The following SHISA6 variants were observed in gnomAD, a reference collection of about 807,000 sequenced individuals.
The protein encoded by SHISA6 is shisa family member 6.
A neutral mutation model predicts 47.9 loss-of-function variants in SHISA6; 22 were observed. The observed-to-expected ratio is 0.46, with a 90% CI of 0.33 to 0.66. The LOEUF is 0.66. Ranked by LOEUF, SHISA6 falls within the 30% of genes least tolerant of loss-of-function variation. SHISA6 has a pLI of 0.02. For missense variants in SHISA6, 680 were observed against 764.6 expected (o/e 0.89, Z 1.30); for synonymous variants, 388 against 337.8 (o/e 1.15, Z -1.63).
chr17:11,333,677 G>A (rs1911215193), intron 2 of SHISA6, among the ~76,000 whole-genome samples: 1 of 151,984 alleles, frequency 6.6e-6, no homozygotes, highest in Non-Finnish European at 1.5e-5. Flanking sequence ...ACCATTCCCG[G>A]CTAATTTTTG....
At chr17:11,292,950 G>A (rs532194131) in intron 2 of SHISA6, among the ~76,000 whole-genome samples, 114 of 151,406 alleles carry the variant, frequency 7.5e-4, no homozygotes, top group African/African-American at 2.5e-3. Flanking sequence ...TCAGCCTCCG[G>A]AGTAGCGGGG....
intron 3 of SHISA6, among the ~76,000 whole-genome samples, chr17:11,390,548 G>A (rs117220392): frequency 0.037 from 5,570 of 152,178 alleles, 187 homozygotes; most frequent in Admixed American, 0.088. Context: ...TTATTATAAC[G>A]AAAACTCCAG....
chr17:11,416,498 C>G (rs1201793098), intron 3 of SHISA6, among the ~76,000 whole-genome samples: 2 of 152,114 alleles, frequency 1.3e-5, no homozygotes, highest in Admixed American at 6.5e-5. Flanking sequence ...GTATGGATCT[C>G]AAAATCCACT....
At chr17:11,551,233 G>A (rs570835632) in intron 3 of SHISA6, among the ~76,000 whole-genome samples, 14 of 152,312 alleles carry the variant, frequency 9.2e-5, no homozygotes, top group Non-Finnish European at 1.8e-4. Flanking sequence ...TTCAGGGTTT[G>A]GCAACTGTAA....
chr17:11,271,901 C>T (rs896862842), intron 2 of SHISA6, among the ~76,000 whole-genome samples: 2 of 152,264 alleles, frequency 1.3e-5, no homozygotes, highest in Non-Finnish European at 2.9e-5. Context: ...TCTAGCAGCT[C>T]TGCTCCTCCA....
chr17:11,397,593 T>A (rs1913617635), intron 3 of SHISA6, among the ~76,000 whole-genome samples: 1 of 152,200 alleles, frequency 6.6e-6, no homozygotes, highest in Non-Finnish European at 1.5e-5. Context: ...CTGAAGGCAA[T>A]CTGCCTGGTT....
chr17:11,350,211 G>A (rs963337916), intron 2 of SHISA6, among the ~76,000 whole-genome samples: 4 of 105,656 alleles, frequency 3.8e-5, no homozygotes, highest in African/African-American at 1.2e-4. Context: ...ACGGAGTCTC[G>A]CTCTGTCGCC....
chr17:11,494,033 T>G (rs2071388224), intron 3 of SHISA6, among the ~76,000 whole-genome samples: 1 of 152,168 alleles, frequency 6.6e-6, no homozygotes, highest in Non-Finnish European at 1.5e-5. Context: ...AGTCAGGCTC[T>G]GCAAGCATAA....
At chr17:11,550,834 A>G (rs61459636) in intron 3 of SHISA6, among the ~76,000 whole-genome samples, 9,297 of 152,286 alleles carry the variant, frequency 0.061, 372 homozygotes, top group Middle Eastern at 0.092. Flanking sequence ...AGTAGAGCTG[A>G]AGTCTTCACA....
chr17:11,524,795 G>A (rs1232475978), intron 3 of SHISA6, among the ~76,000 whole-genome samples: 1 of 151,960 alleles, frequency 6.6e-6, no homozygotes, highest in Non-Finnish European at 1.5e-5. Flanking sequence ...CACTGCGCCC[G>A]GTCTATTTCT....
intron 3 of SHISA6, among the ~76,000 whole-genome samples, chr17:11,489,378 A>G (rs1916422788): frequency 6.6e-6 from 1 of 152,118 alleles, no homozygotes. Flanking sequence ...GACCTTTTCC[A>G]TCAACACTTA....
intron 1 of SHISA6, among the ~76,000 whole-genome samples, chr17:11,258,351 A>G (rs942623700): frequency 6.6e-6 from 1 of 152,182 alleles, no homozygotes; most frequent in African/African-American, 2.4e-5. Flanking sequence ...GTTTGTTTCC[A>G]TTGCACCACT....
At chr17:11,256,366 G>A (rs555389669) in intron 1 of SHISA6, among the ~76,000 whole-genome samples, 1 of 152,238 alleles carries the variant, frequency 6.6e-6, no homozygotes, top group Admixed American at 6.5e-5. Flanking sequence ...CGTGGTGACA[G>A]GGGCCTTTAA....
At chr17:11,377,158 A>G (rs1912830601) in intron 2 of SHISA6, among the ~76,000 whole-genome samples, 1 of 152,188 alleles carries the variant, frequency 6.6e-6, no homozygotes, top group South Asian at 2.1e-4. Flanking sequence ...ATTTGACTAA[A>G]GAATTCTTTA....
intron 3 of SHISA6, among the ~76,000 whole-genome samples, chr17:11,383,361 T>C (rs1913088346): frequency 6.6e-6 from 1 of 152,160 alleles, no homozygotes; most frequent in South Asian, 2.1e-4. Context: ...GTCTGCTTTG[T>C]AACAAGATCC....
At chr17:11,356,711 C>T (rs1471047128) in intron 2 of SHISA6, among the ~76,000 whole-genome samples, 2 of 152,152 alleles carry the variant, frequency 1.3e-5, no homozygotes, top group Non-Finnish European at 2.9e-5. Context: ...GCCCTCCCCT[C>T]TATAACCAGG....
At chr17:11,433,327 G>A (rs1389711564) in intron 3 of SHISA6, among the ~76,000 whole-genome samples, 1 of 152,106 alleles carries the variant, frequency 6.6e-6, no homozygotes, top group African/African-American at 2.4e-5. Flanking sequence ...GTGAGGACAT[G>A]CAGTGTTTGG....
rs542879686 is a variant in SHISA6 at position 11,334,434 on chromosome 17, G to A, written c.800-44980G>A. Among the ~76,000 whole-genome samples, 6 of 152,282 alleles carry A rather than the reference G, an allele frequency of 3.9e-5. No homozygotes were observed. In the South Asian group the frequency reaches 8.3e-4, roughly 21 times the overall value. ...GACCTGAAAATCACTGTCTGCATTC[G>A]ACTCACAGGTGGCCATCTCTCATGA... On this transcript the variant is annotated intron_variant, in intron 2 of 5. Coordinates refer to ENST00000441885, the MANE Select transcript of SHISA6 (RefSeq NM_207386.4).
At chr17:11,424,830 C>T (rs1391897622) in intron 3 of SHISA6, among the ~76,000 whole-genome samples, 3 of 151,834 alleles carry the variant, frequency 2.0e-5, no homozygotes, top group Non-Finnish European at 4.4e-5. Context: ...GGTGAAACCC[C>T]GTCTCTACTA....
Sources: allele counts gnomAD v4.1 joint callset (sites outside exome capture counted in the v4.1 genomes callset), GRCh38; gene constraint gnomAD v4.1.1; transcripts MANE v1.5; gene names NCBI Gene and HGNC (gene_info 2026-07-23, HGNC 2026-07-21).